Variants in HS3ST2 observed in about 807,000 individuals in gnomAD.
HS3ST2 encodes the protein heparan sulfate glucosamine 3-O-sulfotransferase 2.
A neutral mutation model predicts 26.3 loss-of-function variants in HS3ST2; 17 were observed. That is an observed-to-expected ratio of 0.65 (90% CI 0.44 to 0.97). The LOEUF is 0.97. Ranked by LOEUF, HS3ST2 falls within the 50% of genes least tolerant of loss-of-function variation. The pLI is 0.00. For synonymous variants in HS3ST2, 237 were observed against 219.2 expected, an observed-to-expected ratio of 1.08 and a Z score of -0.72; for missense variants, 402 against 501.2, an observed-to-expected ratio of 0.80 and a Z score of 1.89.
chr16:22,877,280 C>T (rs1901934563), intron 1 of HS3ST2, among the ~76,000 whole-genome samples: 1 of 152,192 alleles, frequency 6.6e-6, no homozygotes, highest in African/African-American at 2.4e-5. Flanking sequence ...AGCCTTCTGT[C>T]TGCATGGATG....
Position 22,915,195 on chromosome 16 carries a change from A to G in HS3ST2, c.737A>G (p.Asn246Ser). The change falls in exon 2 of 2, where the codon AAC becomes AGC. Residue 246 changes from asparagine to serine, a missense_variant. Around this residue, in one of 2 missense-constraint regions of HS3ST2, gnomAD observed 237 missense variants for 346.6 expected, o/e 0.68. Transcript: ENST00000261374. ...CTGGGCCTGGTGGACGTGTCATGGA[A>G]CGCCATCCGCATCGGCATGTACGTG... is the stretch of plus-strand genomic sequence containing the variant. ...RTLGLVDVSWNAIRIGMYVLH... is the reference protein window; with the variant it reads ...RTLGLVDVSWSAIRIGMYVLH... 1 of 1,614,096 alleles carries G rather than the reference A, an allele frequency of 6.2e-7. No individual in the cohort carries two copies. The highest frequency in any genetic ancestry group is 8.5e-7 in the Non-Finnish European group (1 of 1,180,020).
intron 1 of HS3ST2, among the ~76,000 whole-genome samples, chr16:22,875,215 T>G (rs1901897806): frequency 1.3e-5 from 2 of 152,044 alleles, no homozygotes; most frequent in Non-Finnish European, 2.9e-5. Flanking sequence ...AAAGAAAGTA[T>G]TTTGTACAGC....
At chr16:22,899,301 G>C (rs1023905270) in intron 1 of HS3ST2, among the ~76,000 whole-genome samples, 24 of 152,132 alleles carry the variant, frequency 1.6e-4, no homozygotes, top group Middle Eastern at 3.2e-3. Flanking sequence ...GAAACGGCTG[G>C]GTTGACCGGC....
rs540744429 is a variant in HS3ST2, at chr16:22,859,403, G to A, written c.485+44308G>A. 1.8e-4 allele frequency among the ~76,000 whole-genome samples: 27 copies of A among 152,278 alleles called. No homozygotes were observed. The South Asian group carries it at 1.9e-3, about 11-fold the overall frequency. On this transcript the variant is annotated intron_variant, in intron 1 of 1. Transcript: ENST00000261374. ...TAGGAAAGATATTGGGGCCTCACACGTTTGCAGAAAGCTAGATAACTGAAT... is the reference window on the plus strand; with the variant it reads ...TAGGAAAGATATTGGGGCCTCACACATTTGCAGAAAGCTAGATAACTGAAT...
intron 1 of HS3ST2, among the ~76,000 whole-genome samples, chr16:22,855,965 C>T (rs1901588050): frequency 6.6e-6 from 1 of 152,116 alleles, no homozygotes; most frequent in South Asian, 2.1e-4. Flanking sequence ...GGCTCATATA[C>T]TCACTTCTTG....
At chr16:22,827,915 G>A (rs773147094) in intron 1 of HS3ST2, among the ~76,000 whole-genome samples, 2 of 151,502 alleles carry the variant, frequency 1.3e-5, no homozygotes, top group Non-Finnish European at 2.9e-5. Flanking sequence ...TCACCATGTT[G>A]CCCAGTCTTG....
chr16:22,838,716 T>C lies in HS3ST2; in HGVS notation c.485+23621T>C, dbSNP rs1036782135. Among the ~76,000 whole-genome samples, 7 of 152,244 alleles carry C rather than the reference T, an allele frequency of 4.6e-5. No individual in the cohort carries two copies. In the South Asian group the frequency reaches 1.2e-3, roughly 27 times the overall value. On this transcript the variant is annotated intron_variant, in intron 1 of 1. Transcript: ENST00000261374. Reference sequence around the variant, plus strand: ...AGGAGGCAATCTGTTTAAAGGACAATGGTTTGTGAAGGCAGGCAGTCGATG... The same window carrying C: ...AGGAGGCAATCTGTTTAAAGGACAACGGTTTGTGAAGGCAGGCAGTCGATG...
At chr16:22,884,990 G>C (rs1169996039) in intron 1 of HS3ST2, among the ~76,000 whole-genome samples, 1 of 151,702 alleles carries the variant, frequency 6.6e-6, no homozygotes, top group East Asian at 1.9e-4. Context: ...ACAGACACGT[G>C]CCACCACGCC....
In HS3ST2 at chr16:22,915,636, A is replaced by T; in HGVS notation, c.*74A>T. On this transcript the variant is annotated 3_prime_UTR_variant, in exon 2 of 2. Transcript: ENST00000261374. The stretch of plus-strand genomic sequence containing the variant: ...GTGAGATTTGCTCCCAGACCCTCTG[A>T]TCTCCCTCCAACAAACCCTGGCTCC... 1.4e-6 allele frequency: 2 copies of T among 1,477,576 alleles called. No individual in the cohort carries two copies. Among genetic ancestry groups the T allele is most frequent in the African/African-American group, 1.4e-5 (1 of 70,960 alleles). The allele number at this position is 1,477,576 out of a possible 1,614,324, so 91.5% of individuals were successfully genotyped here.
chr16:22,878,383 C>G (rs955579777), intron 1 of HS3ST2, among the ~76,000 whole-genome samples: 1 of 152,198 alleles, frequency 6.6e-6, no homozygotes, highest in African/African-American at 2.4e-5. Context: ...GCTGAAGGCT[C>G]AGAGCCTGAG....
At chr16:22,827,763 G>A (rs1471317511) in intron 1 of HS3ST2, among the ~76,000 whole-genome samples, 1 of 146,152 alleles carries the variant, frequency 6.8e-6, no homozygotes, top group Non-Finnish European at 1.5e-5. Flanking sequence ...CCATGCTGGA[G>A]TGCAGTGGCA....
intron 1 of HS3ST2, among the ~76,000 whole-genome samples, chr16:22,913,141 A>T (rs1359316558): frequency 2.1e-5 from 2 of 93,146 alleles, no homozygotes; most frequent in Non-Finnish European, 4.2e-5. Flanking sequence ...GAAGGAAGGA[A>T]GGAAGGAAGG....
chr16:22,900,257 T>A (rs748690497), intron 1 of HS3ST2, among the ~76,000 whole-genome samples: 1 of 152,224 alleles, frequency 6.6e-6, no homozygotes, highest in African/African-American at 2.4e-5. Context: ...GCATTCACTC[T>A]GATTGACTAA....
chr16:22,869,660 T>C (rs147612103), intron 1 of HS3ST2, among the ~76,000 whole-genome samples: 1 of 152,218 alleles, frequency 6.6e-6, no homozygotes, highest in Non-Finnish European at 1.5e-5. Context: ...TGAGACTCAT[T>C]TACTAACATG....
intron 1 of HS3ST2, among the ~76,000 whole-genome samples, chr16:22,896,180 G>T (rs1902208072): frequency 6.6e-6 from 1 of 152,060 alleles, no homozygotes; most frequent in Admixed American, 6.5e-5. Context: ...GTTAGTGTTT[G>T]TTTAACCCCA....
intron 1 of HS3ST2, chr16:22,833,207 G>A (rs1472047298): frequency 2.2e-6 from 1 of 455,858 alleles, no homozygotes; most frequent in African/African-American, 2.0e-5. Flanking sequence ...GTATCCACAA[G>A]GCACCCCTGC....
At chr16:22,870,481 G>T (rs1257054331) in intron 1 of HS3ST2, among the ~76,000 whole-genome samples, 2 of 152,086 alleles carry the variant, frequency 1.3e-5, no homozygotes, top group Admixed American at 1.3e-4. Flanking sequence ...TCGCTCCTCT[G>T]CTTCTCATCT....
intron 1 of HS3ST2, among the ~76,000 whole-genome samples, chr16:22,895,906 C>A (rs879047939): frequency 6.6e-6 from 1 of 151,854 alleles, no homozygotes; most frequent in Admixed American, 6.6e-5. Flanking sequence ...GTCCTCTCTC[C>A]TTTTCTTCCT....
At chr16:22,841,139 G>C (rs1029250082) in intron 1 of HS3ST2, among the ~76,000 whole-genome samples, 2 of 152,066 alleles carry the variant, frequency 1.3e-5, no homozygotes, top group African/African-American at 4.8e-5. Context: ...TCAGCTCACT[G>C]CAACCTCTGC....
Sources: gnomAD v4.1 joint callset for allele counts (sites outside exome capture counted in the v4.1 genomes callset) on GRCh38, gnomAD v4.1.1 for gene constraint, gnomAD v4.1.1 regional missense constraint, MANE v1.5 for transcripts, NCBI Gene and HGNC (gene_info 2026-07-23, HGNC 2026-07-21) for gene names.